B3GLCT: variants seen among roughly 807,000 people sequenced by gnomAD.
The protein encoded by B3GLCT is beta-1,3-glucosyltransferase.
B3GLCT carries 65 observed loss-of-function variants against 63.4 expected under a neutral mutation model. The observed-to-expected ratio is 1.03, with a 90% CI of 0.84 to 1.26. The LOEUF (loss-of-function observed/expected upper bound fraction) is 1.26. Among genes scored for constraint, B3GLCT ranks in the 50% most tolerant of loss-of-function variants. B3GLCT has a pLI of 0.00. For synonymous variants in B3GLCT, 233 were observed against 219.2 expected, an observed-to-expected ratio of 1.06 and a Z score of -0.55; for missense variants, 577 against 604.8, an observed-to-expected ratio of 0.95 and a Z score of 0.48.
chr13:31,263,601 G>C (rs1428934611), intron 7 of B3GLCT, among the ~76,000 whole-genome samples: 1 of 152,132 alleles, frequency 6.6e-6, no homozygotes, highest in Non-Finnish European at 1.5e-5. Flanking sequence ...AGCTTCCAGG[G>C]GTTCATGAAC....
At chr13:31,284,021 C>T (rs943365536) in intron 10 of B3GLCT, among the ~76,000 whole-genome samples, 4 of 152,162 alleles carry the variant, frequency 2.6e-5, no homozygotes, top group African/African-American at 9.7e-5. Flanking sequence ...ATCTTTGAGC[C>T]TCCAAAGCCA....
intron 12 of B3GLCT, among the ~76,000 whole-genome samples, chr13:31,300,257 C>A (rs753415641): frequency 5.3e-5 from 8 of 152,034 alleles, no homozygotes; most frequent in Non-Finnish European, 1.0e-4. Flanking sequence ...CCAGGTAGCA[C>A]GATCATGTAT....
intron 12 of B3GLCT, among the ~76,000 whole-genome samples, chr13:31,294,675 T>C (rs948996934): frequency 6.6e-6 from 1 of 152,246 alleles, no homozygotes; most frequent in Non-Finnish European, 1.5e-5. Context: ...TTTCTGTTCT[T>C]CTCTAAACTG....
chr13:31,261,147 G>C, intron 7 of B3GLCT, 65 bp downstream of exon 7: 1 of 1,540,840 alleles, frequency 6.5e-7, no homozygotes, highest in Non-Finnish European at 8.9e-7. Context: ...ATTTCATTGA[G>C]TACTGTAACT....
At chr13:31,309,743 A>G (rs1874608228) in intron 12 of B3GLCT, among the ~76,000 whole-genome samples, 1 of 152,124 alleles carries the variant, frequency 6.6e-6, no homozygotes, top group South Asian at 2.1e-4. Flanking sequence ...AACTGTTCAA[A>G]CCCTGTCCTT....
intron 8 of B3GLCT, among the ~76,000 whole-genome samples, chr13:31,270,475 C>T (rs1463233908): frequency 6.6e-6 from 1 of 152,182 alleles, no homozygotes; most frequent in Non-Finnish European, 1.5e-5. Flanking sequence ...AATGAAAAGT[C>T]AGCTCTAGAT....
intron 12 of B3GLCT, among the ~76,000 whole-genome samples, chr13:31,297,376 T>G (rs890712409): frequency 2.9e-5 from 3 of 101,954 alleles, no homozygotes; most frequent in African/African-American, 7.8e-5. Context: ...ATTTTCTGGG[T>G]TTTTTTTTTT....
At chr13:31,297,458 GA>G (rs1362845470) in intron 12 of B3GLCT, among the ~76,000 whole-genome samples, 3 of 150,874 alleles carry the variant, frequency 2.0e-5, no homozygotes, top group African/African-American at 7.3e-5. Flanking sequence ...AGTTGGTTAG[GA>G]AAAAACTGAG....
At chr13:31,295,042 T>G (rs997106938) in intron 12 of B3GLCT, among the ~76,000 whole-genome samples, 1 of 152,196 alleles carries the variant, frequency 6.6e-6, no homozygotes. Context: ...CCTTTCTGTT[T>G]GTTAGTTATC....
chr13:31,321,519 G>C (rs1486843383), intron 13 of B3GLCT, among the ~76,000 whole-genome samples: 1 of 152,166 alleles, frequency 6.6e-6, no homozygotes, highest in Non-Finnish European at 1.5e-5. Context: ...TGACATTTTT[G>C]TTTCAGCTTT....
At chr13:31,224,986 C>T (rs1049297609) in intron 3 of B3GLCT, among the ~76,000 whole-genome samples, 6 of 152,182 alleles carry the variant, frequency 3.9e-5, no homozygotes, top group Admixed American at 3.9e-4. Context: ...AGAATCATTG[C>T]TCTTCAGCAT....
At chr13:31,293,921 A>G (rs1483826739) in intron 12 of B3GLCT, among the ~76,000 whole-genome samples, 1 of 152,018 alleles carries the variant, frequency 6.6e-6, no homozygotes, top group Non-Finnish European at 1.5e-5. Context: ...TTACAATTTG[A>G]TATGTTTTTG....
intron 8 of B3GLCT, among the ~76,000 whole-genome samples, chr13:31,272,298 C>G (rs374849832): frequency 3.7e-4 from 56 of 151,720 alleles, no homozygotes; most frequent in African/African-American, 1.3e-3. Context: ...TTACTGCAAC[C>G]TCCACATCCT....
chr13:31,297,025 G>GT (rs79964378), intron 12 of B3GLCT, among the ~76,000 whole-genome samples: 30,268 of 142,422 alleles, frequency 0.21, 2,994 homozygotes, highest in African/African-American at 0.23. Flanking sequence ...TACAGTACTT[G>GT]TTTTTTTTTT....
At position 31,229,188 on chromosome 13, in the gene B3GLCT, TAAAAG is replaced by T; in HGVS notation, c.165_169del (p.Lys56AsnfsTer10). ...AAACTATTTTTTTTTGTTCTAGACT[TAAAAG>T]GAATTGTATTCGTCATCCAGAGTCA... On this transcript the variant is annotated frameshift_variant, in exon 4 of 15. Coordinates refer to ENST00000343307, the MANE Select transcript of B3GLCT (RefSeq NM_194318.4). LOFTEE classifies it high-confidence loss of function. 1.3e-6 allele frequency: 2 copies of T among 1,589,992 alleles called. No individual in the cohort carries two copies. Among genetic ancestry groups the T allele is most frequent in the Non-Finnish European group, 1.7e-6 (2 of 1,158,132 alleles).
At chr13:31,234,081 C>T (rs1378291366) in intron 4 of B3GLCT, among the ~76,000 whole-genome samples, 1 of 151,266 alleles carries the variant, frequency 6.6e-6, no homozygotes, top group Non-Finnish European at 1.5e-5. Context: ...GCAGTGGCGT[C>T]ATCTCAGCTC....
At chr13:31,244,600 A>G (rs954181943) in intron 4 of B3GLCT, among the ~76,000 whole-genome samples, 2 of 152,206 alleles carry the variant, frequency 1.3e-5, no homozygotes, top group African/African-American at 4.8e-5. Flanking sequence ...AACATAAATT[A>G]TTATAATCCT....
intron 3 of B3GLCT, among the ~76,000 whole-genome samples, chr13:31,223,232 C>T (rs774058107): frequency 5.3e-5 from 8 of 152,142 alleles, no homozygotes; most frequent in Non-Finnish European, 1.0e-4. Flanking sequence ...GGATTTAATT[C>T]CCTCTGGCAT....
At chr13:31,256,465 A>G (rs886463408) in intron 6 of B3GLCT, among the ~76,000 whole-genome samples, 6 of 152,350 alleles carry the variant, frequency 3.9e-5, no homozygotes, top group African/African-American at 1.4e-4. Flanking sequence ...ATAAAGATAC[A>G]TGCACACATA....
Sources: allele counts gnomAD v4.1 joint callset (sites outside exome capture counted in the v4.1 genomes callset), GRCh38; gene constraint gnomAD v4.1.1; transcripts MANE v1.5; gene names NCBI Gene and HGNC (gene_info 2026-07-23, HGNC 2026-07-21).